Variants in KIFC3 observed in about 807,000 individuals in gnomAD.
The protein encoded by KIFC3 is kinesin-like protein KIFC3.
In KIFC3, 60 loss-of-function variants were observed where a neutral mutation model predicts 101.8. The observed-to-expected ratio is 0.59, with a 90% CI of 0.48 to 0.73. The LOEUF (loss-of-function observed/expected upper bound fraction) is 0.73. Ranked by LOEUF, KIFC3 falls within the 30% of genes least tolerant of loss-of-function variation. The pLI is 0.00. For missense variants in KIFC3, 966 were observed against 1,137.1 expected, an observed-to-expected ratio of 0.85 and a Z score of 2.16; for synonymous variants, 476 against 482.7, an observed-to-expected ratio of 0.99 and a Z score of 0.18.
At chr16:57,840,751 ACT>A in intron 1 of KIFC3, among the ~76,000 whole-genome samples, 1 of 143,310 alleles carries the variant, frequency 7.0e-6, no homozygotes, top group South Asian at 2.2e-4. Flanking sequence ...CAAGAGCGAA[ACT>A]CTGTCTCAAA....
chr16:57,768,214 C>T (rs1405050724), intron 9 of KIFC3, among the ~76,000 whole-genome samples: 2 of 152,032 alleles, frequency 1.3e-5, no homozygotes, highest in Non-Finnish European at 1.5e-5. Context: ...GGCATGGTGG[C>T]ACACGCCTGT....
chr16:57,777,154 T>C (rs2052198645), intron 3 of KIFC3: 1 of 152,004 alleles, frequency 6.6e-6, no homozygotes, highest in South Asian at 2.1e-4. Flanking sequence ...AGGTTAAATA[T>C]TGTATGCTAA....
chr16:57,788,611 G>A (rs142668436), intron 3 of KIFC3: 19,340 of 1,289,258 alleles, frequency 0.015, 190 homozygotes, highest in Non-Finnish European at 0.018. Flanking sequence ...CCAGCTTCCC[G>A]GGCCTCCCGG....
At position 57,759,779 on chromosome 16, in the gene KIFC3, A is replaced by G. The variant is rs1555593964; in HGVS notation, c.2425T>C (p.Ser809Pro). ...PSARAHSAPS[S>P]GTSSRPGSIR... ...GATCCAGGGCGGCTACTGGTCCCAG[A>G]GCTGGGGGCTGAGTGGGCCCGTGCC... Residue 809 changes from serine (S) to proline (P), a missense_variant, in exon 18 of 20, where the codon TCT becomes CCT. Physicochemically the swap from Ser to Pro is moderately conservative, Grantham distance 74. This residue lies in a region of KIFC3 where 689 missense variants were observed against 884.6 expected (regional missense o/e 0.78). Transcript: ENST00000445690. 1.9e-6 allele frequency: 3 copies of G among 1,611,270 alleles called. No individual in the cohort carries two copies. Among genetic ancestry groups the G allele is most frequent in the Middle Eastern group, 1.7e-4 (1 of 6,052 alleles).
chr16:57,797,933 T>G (rs1470565677), intron 2 of KIFC3, 139 bp downstream of exon 2: 1 of 1,521,320 alleles, frequency 6.6e-7, no homozygotes, highest in East Asian at 2.5e-5. Flanking sequence ...CACGCCCGCC[T>G]GGCTCTGGGC....
At position 57,848,425 on chromosome 16, in the gene KIFC3, C is replaced by G. The variant is rs540352348; in HGVS notation, c.108+14304G>C. ...GAGGATTGCTTGAGGTCAGGAGTTCCAGACCAGCCTGCACAGCATAGCCAG... is the reference window on the plus strand; with the variant it reads ...GAGGATTGCTTGAGGTCAGGAGTTCGAGACCAGCCTGCACAGCATAGCCAG... On this transcript the variant is annotated intron_variant, in intron 1 of 2. Coordinates refer to the KIFC3 transcript ENST00000563028. 2.0e-5 allele frequency among the ~76,000 whole-genome samples: 3 copies of G among 152,174 alleles called. No individual in the cohort carries two copies. The East Asian group carries it at 5.8e-4, about 29-fold the overall frequency.
chr16:57,766,084 T>C (rs564838528), intron 10 of KIFC3, among the ~76,000 whole-genome samples: 2 of 152,330 alleles, frequency 1.3e-5, no homozygotes, highest in Admixed American at 1.3e-4. Flanking sequence ...CAGCAGGTGA[T>C]GACTGGTGGT....
At chr16:57,827,699 C>G (rs1262356080) in intron 1 of KIFC3, among the ~76,000 whole-genome samples, 1 of 152,182 alleles carries the variant, frequency 6.6e-6, no homozygotes, top group Non-Finnish European at 1.5e-5. Flanking sequence ...TTTCCCTGGG[C>G]TGCACTCCAC....
upstream of KIFC3, among the ~76,000 whole-genome samples, chr16:57,804,173 A>C (rs1308929020): frequency 1.3e-5 from 2 of 152,228 alleles, no homozygotes; most frequent in Admixed American, 1.3e-4. Context: ...ATAGATGTTC[A>C]TTGTAACCAT....
Position 57,802,471 on chromosome 16 carries a change from G to C in KIFC3, c.-141C>G, listed in dbSNP as rs1357599122. On this transcript the variant is annotated 5_prime_UTR_variant, in exon 1 of 20. Transcript: ENST00000445690. This position sits in a 1 kb window ranked among gnomAD's most constrained non-coding sequence, Gnocchi z 5.0. ...AGCTCCACGCCGCCGCCTCCTCCTCGGCCAGCCCGCTCGCGCCCCTCCCGC... is the reference window on the plus strand; with the variant it reads ...AGCTCCACGCCGCCGCCTCCTCCTCCGCCAGCCCGCTCGCGCCCCTCCCGC... 14 of 982,884 alleles carry C rather than the reference G, an allele frequency of 1.4e-5. No individual in the cohort carries two copies. The highest frequency in any genetic ancestry group is 1.1e-4 in the East Asian group (1 of 8,786). 60.9% of individuals were successfully genotyped at this position (982,884 alleles called of 1,614,324 possible). A position where few individuals can be genotyped will look rare whatever the true frequency, so the allele number is the denominator to read the frequency against.
At chr16:57,807,078 G>A (rs2054953701), upstream of KIFC3, among the ~76,000 whole-genome samples, 1 of 151,984 alleles carries the variant, frequency 6.6e-6, no homozygotes, top group South Asian at 2.1e-4. Flanking sequence ...ATTACCCGAT[G>A]TGCTGGTGGG....
chr16:57,824,665 A>C (rs139145586), intron 1 of KIFC3, among the ~76,000 whole-genome samples: 2 of 152,338 alleles, frequency 1.3e-5, no homozygotes, highest in East Asian at 3.9e-4. Flanking sequence ...CCTGGATGAC[A>C]GAGCAAGACG....
At chr16:57,768,811 G>T (rs1366582981) in intron 9 of KIFC3, among the ~76,000 whole-genome samples, 2 of 152,166 alleles carry the variant, frequency 1.3e-5, no homozygotes, top group African/African-American at 2.4e-5. Flanking sequence ...CACTTAAGAG[G>T]CACTGGTTAT....
intron 3 of KIFC3, among the ~76,000 whole-genome samples, chr16:57,778,437 A>G (rs1404011339): frequency 2.0e-5 from 3 of 152,244 alleles, no homozygotes; most frequent in Admixed American, 2.0e-4. Flanking sequence ...AAAATAGGTA[A>G]GTCAGACTTT....
rs1314234684 is a variant in KIFC3, at chr16:57,809,738, G to A, written c.109-11456C>T. ...CATGTTGCCAGATTGCCCCTCAGAA[G>A]GCCTGTACCAAATTTACACTGTCGT... On this transcript the variant is annotated intron_variant, in intron 1 of 2. Coordinates refer to the KIFC3 transcript ENST00000563028. Among the ~76,000 whole-genome samples the A allele has an allele frequency of 2.6e-5, 4 of 152,086 alleles. No homozygotes were observed. In the East Asian group the frequency reaches 7.7e-4, roughly 29 times the overall value.
At chr16:57,860,895 A>G (rs1462932639) in intron 1 of KIFC3, among the ~76,000 whole-genome samples, 1 of 151,952 alleles carries the variant, frequency 6.6e-6, no homozygotes, top group Non-Finnish European at 1.5e-5. Context: ...TATCTTTTGT[A>G]AAGACAGGGT....
chr16:57,769,688 C>T lies in KIFC3; in HGVS notation c.1125G>A (p.Leu375=). Residue 375 remains leucine (L), a synonymous_variant, in exon 9 of 20, where the codon CTG becomes CTA. Coordinates refer to ENST00000445690, the MANE Select transcript of KIFC3 (RefSeq NM_001130100.2). This position sits in a 1 kb window ranked among gnomAD's most constrained non-coding sequence, Gnocchi z 4.3. The part of the protein sequence containing the change: ...RTNLLTLQPA[L]RTLTNDYNGL... The stretch of plus-strand genomic sequence containing the variant: ...CATTGTAGTCGTTGGTGAGGGTCCG[C>T]AGTGCCGGCTGCAAGGTCAGCAAGT... The T allele has an allele frequency of 6.2e-7, 1 of 1,612,718 alleles. No individual in the cohort carries two copies. The highest frequency in any genetic ancestry group is 8.5e-7 in the Non-Finnish European group (1 of 1,179,980).
At chr16:57,815,573 C>A (rs1555628607) in intron 1 of KIFC3, 1 of 1,289,782 alleles carries the variant, frequency 7.8e-7, no homozygotes, top group Non-Finnish European at 1.0e-6. Context: ...GCCTTAGTCA[C>A]CCTCACCAGG....
In KIFC3 at chr16:57,798,164, TCCGGGGC is replaced by T; in HGVS notation, c.73_79del (p.Ala25SerfsTer29). The T allele has an allele frequency of 6.5e-7, 1 of 1,541,092 alleles. No individual in the cohort carries two copies. Among genetic ancestry groups the T allele is most frequent in the Non-Finnish European group, 8.7e-7 (1 of 1,143,582 alleles). On this transcript the variant is annotated frameshift_variant, in exon 2 of 20. Transcript: ENST00000445690. LOFTEE classifies it high-confidence loss of function. ...GGGGCGAGCCATCCCCGGCTCGGGC[TCCGGGGC>T]CCGGCCCACTCTCCACAGGCCCCGC... is the stretch of plus-strand genomic sequence containing the variant.
Sources: gnomAD v4.1 joint callset for allele counts (sites outside exome capture counted in the v4.1 genomes callset) on GRCh38, gnomAD v4.1.1 for gene constraint, gnomAD v4.1.1 regional missense constraint, Gnocchi (gnomAD v3.1) non-coding constraint, MANE v1.5 for transcripts, NCBI Gene and HGNC (gene_info 2026-07-23, HGNC 2026-07-21) for gene names.